The following HGF variants were observed in gnomAD, a reference collection of about 807,000 sequenced individuals.
HGF encodes the protein fibroblast-derived tumor cytotoxic factor.
Under a neutral mutation model 111.6 loss-of-function variants are expected in HGF, and 39 were observed. The ratio of observed to expected loss-of-function variants is 0.35; its 90% CI spans 0.27 to 0.46. The LOEUF (loss-of-function observed/expected upper bound fraction) is 0.46, where lower values mean the gene tolerates loss of function less well. Among genes scored for constraint, HGF ranks in the 20% least tolerant of loss-of-function variants. The pLI is 1.00. For synonymous variants in HGF, 285 were observed against 294.8 expected, an observed-to-expected ratio of 0.97 and a Z score of 0.34; for missense variants, 735 against 910.5, an observed-to-expected ratio of 0.81 and a Z score of 2.48.
At chr7:81,761,882 G>C (rs1789101608) in intron 2 of HGF, among the ~76,000 whole-genome samples, 1 of 152,062 alleles carries the variant, frequency 6.6e-6, no homozygotes, top group African/African-American at 2.4e-5. Flanking sequence ...TTCTCATAAG[G>C]AGCGCACACC....
chr7:81,752,076 A>T (rs759177221), intron 5 of HGF, 44 bp downstream of exon 5: 1 of 1,612,388 alleles, frequency 6.2e-7, no homozygotes, highest in Admixed American at 1.7e-5. Flanking sequence ...AGTTCTACAC[A>T]TAGGGGGAAT....
chr7:81,763,990 T>A (rs1246084518), intron 1 of HGF, among the ~76,000 whole-genome samples: 3 of 152,160 alleles, frequency 2.0e-5, no homozygotes, highest in Admixed American at 1.3e-4. Context: ...GCTAAGATTG[T>A]AGTGGAAATA....
chr7:81,756,083 C>G (rs1788756011), intron 4 of HGF: 1 of 701,260 alleles, frequency 1.4e-6, no homozygotes, highest in Admixed American at 2.0e-5. Context: ...CAAATCACAG[C>G]ATGGGTTCTA....
intron 2 of HGF, among the ~76,000 whole-genome samples, chr7:81,759,992 G>C (rs1788986761): frequency 6.6e-6 from 1 of 152,080 alleles, no homozygotes; most frequent in Non-Finnish European, 1.5e-5. Flanking sequence ...TCTGTAAAGT[G>C]GGTGACAGGA....
chr7:81,730,218 G>A (rs1562884678), intron 7 of HGF, among the ~76,000 whole-genome samples: 1 of 152,090 alleles, frequency 6.6e-6, no homozygotes, highest in South Asian at 2.1e-4. Context: ...GGAAGCTGAG[G>A]TGGGTGGATC....
chr7:81,741,364 A>G (rs1021871749), intron 7 of HGF, among the ~76,000 whole-genome samples: 3 of 152,276 alleles, frequency 2.0e-5, no homozygotes, highest in South Asian at 2.1e-4. Flanking sequence ...TGTTACTTGC[A>G]TAACTAGCCA....
chr7:81,727,178 T>C (rs865929425), intron 8 of HGF, among the ~76,000 whole-genome samples: 18 of 150,046 alleles, frequency 1.2e-4, no homozygotes, highest in Admixed American at 1.0e-3. Context: ...GTAGCTGGGA[T>C]TACAGGTGCC....
chr7:81,704,737 C>T (rs760939397), intron 17 of HGF, among the ~76,000 whole-genome samples: 6 of 151,730 alleles, frequency 4.0e-5, no homozygotes, highest in Non-Finnish European at 8.8e-5. Flanking sequence ...TCCCACAGCC[C>T]TGAAGCTTGG....
At chr7:81,757,745 A>G (rs954122001) in intron 3 of HGF, among the ~76,000 whole-genome samples, 57 of 152,142 alleles carry the variant, frequency 3.7e-4, no homozygotes, top group African/African-American at 1.4e-3. Flanking sequence ...ATATATGCAT[A>G]TGCATGAGGT....
chr7:81,706,277 AG>A lies in HGF; in HGVS notation c.1757+9del, dbSNP rs1254001299. On this transcript the variant is annotated intron_variant, in intron 15 of 17. Transcript: ENST00000222390. The stretch of plus-strand genomic sequence containing the variant: ...AGGTGAAAAATACAAAATCTTCTAA[AG>A]TAACTAACCTGGCAAGCTTCATTAA... 1.9e-6 allele frequency: 3 copies of A among 1,611,892 alleles called. No homozygotes were observed. The highest frequency in any genetic ancestry group is 3.3e-5 in the Admixed American group (2 of 59,762).
At chr7:81,717,646 C>T (rs1160858183) in intron 10 of HGF, among the ~76,000 whole-genome samples, 1 of 151,888 alleles carries the variant, frequency 6.6e-6, no homozygotes, top group Non-Finnish European at 1.5e-5. Context: ...ATCCCAGTGG[C>T]ATGGTAATGA....
Position 81,711,644 on chromosome 7 carries a change from G to GTTGTT in HGF, c.1406-130_1406-126dup, listed in dbSNP as rs1006365781. ...GTAATTTACTAAAATTTTTGTTGTT[G>GTTGTT]TTGTTTTGTTTTGTTTTGAGACAGA... On this transcript the variant is annotated intron_variant, in intron 11 of 17. Coordinates refer to ENST00000222390, the MANE Select transcript of HGF (RefSeq NM_000601.6). The GTTGTT allele has an allele frequency of 1.1e-4, 56 of 507,110 alleles. 1 individual carries two copies. The East Asian group carries it at 1.7e-3, about 15-fold the overall frequency. 31.4% of individuals were successfully genotyped at this position (507,110 alleles called of 1,614,324 possible). A position where few individuals can be genotyped will look rare whatever the true frequency, so the allele number is the denominator to read the frequency against.
chr7:81,756,110 G>T (rs2116163545), intron 4 of HGF: 1 of 697,704 alleles, frequency 1.4e-6, no homozygotes, highest in Non-Finnish European at 2.6e-6. Flanking sequence ...GGCCAAATGT[G>T]TCATGCCCTG....
intron 9 of HGF, among the ~76,000 whole-genome samples, chr7:81,725,369 T>C (rs2115899898): frequency 6.6e-6 from 1 of 152,310 alleles, no homozygotes; most frequent in East Asian, 1.9e-4. Context: ...ATTTGCAGTT[T>C]TCTTTATCTA....
At position 81,705,473 on chromosome 7, in the gene HGF, T is replaced by C; in HGVS notation, c.1927A>G (p.Ser643Gly). ...GTCACCTTCCCTCGATGATGCTGGC[T>C]GCATTTCTCATTTCCCATTATATAG... Reference protein sequence around the residue: ...HLYIMGNEKCSQHHRGKVTLN... With the variant: ...HLYIMGNEKCGQHHRGKVTLN... Residue 643 changes from serine (S) to glycine (G), a missense_variant, in exon 17 of 18, where the codon AGC (serine) becomes GGC (glycine). By Grantham distance (56) the Ser-to-Gly change is moderately conservative. Coordinates refer to ENST00000222390, the MANE Select transcript of HGF (RefSeq NM_000601.6). The C allele has an allele frequency of 1.9e-6, 3 of 1,612,778 alleles. No homozygotes were observed. The highest frequency in any genetic ancestry group is 2.5e-6 in the Non-Finnish European group (3 of 1,179,056).
intron 7 of HGF, among the ~76,000 whole-genome samples, chr7:81,733,516 G>A (rs1787733001): frequency 6.6e-6 from 1 of 151,856 alleles, no homozygotes; most frequent in Non-Finnish European, 1.5e-5. Flanking sequence ...ACAAACTAGA[G>A]TATTTAGCTA....
rs1789217933 is a variant in HGF at position 81,699,172 on chromosome 7, A to G, written c.*3409T>C. 6.6e-6 allele frequency: 1 copy of G among 151,528 alleles called. No homozygotes were observed. The highest frequency in any genetic ancestry group is 6.6e-5 in the Admixed American group (1 of 15,154). 9.4% of individuals were successfully genotyped at this position (151,528 alleles called of 1,614,324 possible). The stretch of plus-strand genomic sequence containing the variant: ...TCAATAGGCAGCTTATTAATTTCCT[A>G]TTTACATACAAGACAAACAGTCATA... On this transcript the variant is annotated 3_prime_UTR_variant, in exon 18 of 18. Coordinates refer to ENST00000222390, the MANE Select transcript of HGF (RefSeq NM_000601.6).
chr7:81,742,667 C>G, intron 7 of HGF: 1 of 1,255,968 alleles, frequency 8.0e-7, no homozygotes, highest in Non-Finnish European at 1.0e-6. Flanking sequence ...ACCAAGTTCA[C>G]AGATTGAAAG....
intron 1 of HGF, among the ~76,000 whole-genome samples, 174 bp downstream of exon 1, chr7:81,769,710 A>G (rs1789535170): frequency 6.6e-6 from 1 of 151,668 alleles, no homozygotes; most frequent in Non-Finnish European, 1.5e-5. Context: ...TCAAACAACA[A>G]CAAAAAAGAA....
Sources: allele counts gnomAD v4.1 joint callset (sites outside exome capture counted in the v4.1 genomes callset), GRCh38; gene constraint gnomAD v4.1.1; transcripts MANE v1.5; gene names NCBI Gene and HGNC (gene_info 2026-07-23, HGNC 2026-07-21).